The following CLCA2 variants were observed in gnomAD, a reference collection of about 807,000 sequenced individuals.
CLCA2 encodes chloride channel accessory 2.
A neutral mutation model predicts 82.9 loss-of-function variants in CLCA2; 85 were observed. The observed-to-expected ratio is 1.03, with a 90% CI of 0.86 to 1.23. The LOEUF (loss-of-function observed/expected upper bound fraction) is 1.23. CLCA2 is among the 50% of genes most tolerant of loss of function. The pLI, the probability that CLCA2 is intolerant of heterozygous loss-of-function variation, is 0.00. For missense variants in CLCA2, 1,089 were observed against 1,124.8 expected (o/e 0.97, Z 0.45); for synonymous variants, 421 against 391.7 (o/e 1.07, Z -0.88).
intron 5 of CLCA2, 150 bp downstream of exon 5, chr1:86,432,678 A>C (rs1364958580): frequency 4.4e-6 from 4 of 901,290 alleles, no homozygotes; most frequent in African/African-American, 3.4e-5. Flanking sequence ...AGATTTAAAA[A>C]TTGGAACCCC....
intron 11 of CLCA2, chr1:86,448,427 G>C (rs745650271): frequency 4.6e-5 from 7 of 152,292 alleles, no homozygotes; most frequent in Non-Finnish European, 8.8e-5. Context: ...AGCATTCAGA[G>C]CCTCGTCATC....
rs534906241 is a variant in CLCA2, at chr1:86,455,426, G to A, written c.2731G>A (p.Gly911Ser). 1.2e-6 allele frequency: 2 copies of A among 1,601,138 alleles called. No homozygotes were observed. The highest frequency in any genetic ancestry group is 2.3e-5 in the South Asian group (2 of 88,380). The change falls in exon 14 of 14, where the codon GGT becomes AGT. Residue 911 changes from glycine to serine, a missense_variant. Gly to Ser is a moderately conservative substitution (Grantham distance 56). Transcript: ENST00000370565. ...LILKGVLTAM[G>S]LIGIICLIIV... ...ATTGAAAGGAGTTTTAACAGCAATG[G>A]GTTTGATAGGAATCATTTGCCTTAT...
At chr1:86,436,921 T>A (rs1662623569) in intron 6 of CLCA2, among the ~76,000 whole-genome samples, 2 of 152,126 alleles carry the variant, frequency 1.3e-5, no homozygotes, top group Admixed American at 1.3e-4. Context: ...CCATGATTGG[T>A]CAGGCTGGTC....
At chr1:86,426,660 C>T (rs1404690601) in intron 2 of CLCA2, among the ~76,000 whole-genome samples, 1 of 152,266 alleles carries the variant, frequency 6.6e-6, no homozygotes, top group East Asian at 1.9e-4. Context: ...TCTGTGATCA[C>T]AAATTAAAAC....
chr1:86,429,777 A>G (rs992634582), intron 3 of CLCA2, among the ~76,000 whole-genome samples: 5 of 152,178 alleles, frequency 3.3e-5, no homozygotes, highest in African/African-American at 1.2e-4. Flanking sequence ...GGGTTTTGTT[A>G]ACAAGGATTT....
rs1423670063 is a variant in CLCA2 at position 86,425,376 on chromosome 1, C to T, written c.224C>T (p.Ala75Val). 3.2e-6 allele frequency: 5 copies of T among 1,571,086 alleles called. No homozygotes were observed. Among genetic ancestry groups the T allele is most frequent in the Non-Finnish European group, 4.3e-6 (5 of 1,158,848 alleles). Reference sequence around the variant, plus strand: ...GAAGCTTCATTTTACCTATTTAATGCTACCAAGAGAAGAGTATTTTTCAGA... The same window carrying T: ...GAAGCTTCATTTTACCTATTTAATGTTACCAAGAGAAGAGTATTTTTCAGA... ...ITEASFYLFNATKRRVFFRNI... is the reference protein window; with the variant it reads ...ITEASFYLFNVTKRRVFFRNI... Residue 75 changes from alanine to valine, a missense_variant, in exon 2 of 14, where the codon GCT (alanine) becomes GTT (valine). Transcript: ENST00000370565.
chr1:86,426,190 C>A (rs893933375), intron 2 of CLCA2, among the ~76,000 whole-genome samples: 2 of 152,068 alleles, frequency 1.3e-5, no homozygotes, highest in Non-Finnish European at 2.9e-5. Flanking sequence ...TGTTTGAAGT[C>A]AACTGTGAAC....
At chr1:86,453,309 C>G in intron 12 of CLCA2, 60 bp from the exon 13 acceptor site, 2 of 1,316,588 alleles carry the variant, frequency 1.5e-6, no homozygotes, top group Non-Finnish European at 2.2e-6. Flanking sequence ...GTGTCAAGAA[C>G]AAGCTATTCA....
At position 86,441,535 on chromosome 1, in the gene CLCA2, C is replaced by A; in HGVS notation, c.1480C>A (p.His494Asn). The change falls in exon 9 of 14, where the codon CAT becomes AAT. Residue 494 changes from histidine to asparagine, a missense_variant. By Grantham distance (68) the His-to-Asn change is moderately conservative. Coordinates refer to ENST00000370565, the MANE Select transcript of CLCA2 (RefSeq NM_006536.7). ...TGGAACTGGAGACATTTTCCAGCAA[C>A]ATATTCAGGTCAGAATTTTCTCAAT... is the stretch of plus-strand genomic sequence containing the variant. ...SSGTGDIFQQ[H>N]IQLESTGENV... The A allele has an allele frequency of 6.2e-7, 1 of 1,604,858 alleles. No homozygotes were observed. Among genetic ancestry groups the A allele is most frequent in the South Asian group, 1.1e-5 (1 of 90,824 alleles).
At position 86,434,549 on chromosome 1, in the gene CLCA2, A is replaced by G. The variant is rs1641742634; in HGVS notation, c.776A>G (p.Asn259Ser). 6.2e-7 allele frequency: 1 copy of G among 1,614,108 alleles called. No individual in the cohort carries two copies. The highest frequency in any genetic ancestry group is 8.5e-7 in the Non-Finnish European group (1 of 1,179,968). Residue 259 changes from asparagine (N) to serine (S), a missense_variant, in exon 6 of 14, where the codon AAC (asparagine) becomes AGC (serine). Transcript: ENST00000370565. ...GAATTTTGTAATGCAAGTACCCACAACCAAGAAGCACCAAACCTACAGAAC... is the reference window on the plus strand; with the variant it reads ...GAATTTTGTAATGCAAGTACCCACAGCCAAGAAGCACCAAACCTACAGAAC... ...VVEFCNASTH[N>S]QEAPNLQNQM...
chr1:86,446,351 T>C (rs3765984), intron 10 of CLCA2, among the ~76,000 whole-genome samples: 7,038 of 151,972 alleles, frequency 0.046, 227 homozygotes, highest in East Asian at 0.1. Flanking sequence ...GCTCTGCTCC[T>C]ATTGAACTTT....
chr1:86,446,991 T>C lies in CLCA2; in HGVS notation c.1714-517T>C, dbSNP rs1302440760. Among the ~76,000 whole-genome samples, 4 of 152,186 alleles carry C rather than the reference T, an allele frequency of 2.6e-5. No individual in the cohort carries two copies. The East Asian group carries it at 7.7e-4, about 29-fold the overall frequency. On this transcript the variant is annotated intron_variant, in intron 10 of 13. Coordinates refer to ENST00000370565, the MANE Select transcript of CLCA2 (RefSeq NM_006536.7). ...GGTCCCTAGTAGTGTATGTGTTTTTTGTTGATTGAGATTTCTGAGTGTGGA... is the reference window on the plus strand; with the variant it reads ...GGTCCCTAGTAGTGTATGTGTTTTTCGTTGATTGAGATTTCTGAGTGTGGA...
At chr1:86,435,077 A>G (rs11161820) in intron 6 of CLCA2, among the ~76,000 whole-genome samples, 128,986 of 152,162 alleles carry the variant, frequency 0.85, 54,807 homozygotes, top group South Asian at 0.86. Flanking sequence ...CTACAGGTGC[A>G]GGACACCATG....
chr1:86,453,851 T>C (rs1570269621), intron 13 of CLCA2, among the ~76,000 whole-genome samples: 1 of 152,160 alleles, frequency 6.6e-6, no homozygotes, highest in African/African-American at 2.4e-5. Context: ...CCACGTGTTA[T>C]GGGTGTCTGT....
chr1:86,429,679 T>G (rs1662456410), intron 3 of CLCA2, among the ~76,000 whole-genome samples: 1 of 152,140 alleles, frequency 6.6e-6, no homozygotes, highest in African/African-American at 2.4e-5. Context: ...ATCCCAATCT[T>G]TATTTTTTGT....
chr1:86,430,942 A>C lies in CLCA2; in HGVS notation c.556A>C (p.Asn186His), dbSNP rs1199170761. 1.2e-6 allele frequency: 2 copies of C among 1,612,514 alleles called. No homozygotes were observed. The highest frequency in any genetic ancestry group is 2.7e-5 in the African/African-American group (2 of 74,848). ...TAACAATGACAAACCTTTCTACATA[A>C]ATGGGCAAAATCAAATTAAAGTGAC... ...EYNNDKPFYINGQNQIKVTRC... is the reference protein window; with the variant it reads ...EYNNDKPFYIHGQNQIKVTRC... Residue 186 changes from asparagine to histidine, a missense_variant, in exon 4 of 14, where the codon AAT becomes CAT. Coordinates refer to ENST00000370565, the MANE Select transcript of CLCA2 (RefSeq NM_006536.7).
At chr1:86,447,463 GA>G (rs761897923) in intron 10 of CLCA2, 44 bp from the exon 11 acceptor site, 1 of 1,572,410 alleles carries the variant, frequency 6.4e-7, no homozygotes, top group South Asian at 1.2e-5. Context: ...AATTAGGGTT[GA>G]TTTTTTTTTC....
intron 9 of CLCA2, among the ~76,000 whole-genome samples, chr1:86,443,134 T>A (rs531211550): frequency 6.6e-6 from 1 of 152,152 alleles, no homozygotes; most frequent in East Asian, 1.9e-4. Context: ...TCAAGCAATT[T>A]CCCTGCCTCA....
At position 86,441,376 on chromosome 1, in the gene CLCA2, C is replaced by T. The variant is rs192143040; in HGVS notation, c.1382-61C>T. Reference sequence around the variant, plus strand: ...AGAAAGCTTGTTGGAAAAGGCTTAACATTTTATTTTTGTTTTATTTTACCC... The same window carrying T: ...AGAAAGCTTGTTGGAAAAGGCTTAATATTTTATTTTTGTTTTATTTTACCC... On this transcript the variant is annotated intron_variant, in intron 8 of 13. Coordinates refer to ENST00000370565, the MANE Select transcript of CLCA2 (RefSeq NM_006536.7). The T allele has an allele frequency of 1.1e-3, 1,062 of 1,005,726 alleles. 12 individuals carry two copies. The Admixed American group carries it at 0.021, about 20-fold the overall frequency. 62.3% of individuals were successfully genotyped at this position (1,005,726 alleles called of 1,614,324 possible).
Sources: gnomAD v4.1 joint callset for allele counts (sites outside exome capture counted in the v4.1 genomes callset) on GRCh38, gnomAD v4.1.1 for gene constraint, MANE v1.5 for transcripts, NCBI Gene and HGNC (gene_info 2026-07-23, HGNC 2026-07-21) for gene names.